Variants in AOX1 observed in about 807,000 individuals in gnomAD.
AOX1 encodes the protein aldehyde oxidase 1, also known as aldehyde oxidase.
Under a neutral mutation model 169.5 loss-of-function variants are expected in AOX1, and 153 were observed. That is an observed-to-expected ratio of 0.90 (90% CI 0.79 to 1.03). AOX1 has a LOEUF of 1.03. AOX1 is among the 50% of genes least tolerant of loss of function. The probability of loss-of-function intolerance (pLI) is 0.00; values close to 1 mark genes in which losing one functional copy is unlikely to be tolerated. For synonymous variants in AOX1, 562 were observed against 581.9 expected, an observed-to-expected ratio of 0.97 and a Z score of 0.49; for missense variants, 1,656 against 1,663.9, an observed-to-expected ratio of 1.00 and a Z score of 0.08.
Position 200,621,222 on chromosome 2 carries a change from T to C in AOX1, c.1977T>C (p.Ala659=). The C allele has an allele frequency of 6.2e-7, 1 of 1,614,002 alleles. No individual in the cohort carries two copies. Among genetic ancestry groups the C allele is most frequent in the Non-Finnish European group, 8.5e-7 (1 of 1,179,958 alleles). ...ACTCCTTCTGCTTTTTTACTGAAGC[T>C]GAGAAATTTCTGGCGACAGATAAGG... The part of the protein sequence containing the change: ...DVNSFCFFTE[A]EKFLATDKVF... Residue 659 remains alanine (A), a synonymous_variant, in exon 18 of 35, where the codon GCT becomes GCC. Coordinates refer to ENST00000374700, the MANE Select transcript of AOX1 (RefSeq NM_001159.4).
At chr2:200,657,190 A>ATATATATATATATATATATATATATATAT in intron 27 of AOX1, among the ~76,000 whole-genome samples, 2 of 62,882 alleles carry the variant, frequency 3.2e-5, no homozygotes, top group Non-Finnish European at 5.2e-5. Context: ...ATATATATAT[A>ATATATATATATATATATATATATATATAT]TTTTTTTTTT....
intron 25 of AOX1, among the ~76,000 whole-genome samples, chr2:200,649,746 C>T (rs1022401588): frequency 6.6e-6 from 1 of 152,106 alleles, no homozygotes; most frequent in African/African-American, 2.4e-5. Context: ...ATGGGGTGAG[C>T]TCTCTCTCAG....
At chr2:200,618,413 C>T (rs558302145) in intron 16 of AOX1, among the ~76,000 whole-genome samples, 2 of 152,278 alleles carry the variant, frequency 1.3e-5, no homozygotes, top group East Asian at 1.9e-4. Flanking sequence ...ATAAATGCAT[C>T]CTACACACAT....
At chr2:200,629,381 G>A (rs962869920) in intron 20 of AOX1, among the ~76,000 whole-genome samples, 2 of 152,186 alleles carry the variant, frequency 1.3e-5, no homozygotes, top group Non-Finnish European at 2.9e-5. Context: ...ATAACTGTGA[G>A]CAATGATTAT....
downstream of AOX1, among the ~76,000 whole-genome samples, chr2:200,677,604 A>G (rs1175271111): frequency 6.6e-6 from 1 of 152,238 alleles, no homozygotes; most frequent in Non-Finnish European, 1.5e-5. Flanking sequence ...AGCCAGGAAT[A>G]AACTTCACAG....
At chr2:200,681,925 G>C (rs1335640035), downstream of AOX1, among the ~76,000 whole-genome samples, 1 of 151,400 alleles carries the variant, frequency 6.6e-6, no homozygotes, top group Non-Finnish European at 1.5e-5. Flanking sequence ...GACCTTTTGG[G>C]GTTTTTTTTT....
At chr2:200,604,912 G>C in intron 9 of AOX1, 72 bp downstream of exon 9, 1 of 1,297,658 alleles carries the variant, frequency 7.7e-7, no homozygotes, top group South Asian at 1.2e-5. Flanking sequence ...GGGGTGGGCT[G>C]GGGAAACTTC....
At chr2:200,586,272 T>C in intron 1 of AOX1, 119 bp downstream of exon 1, 1 of 1,135,398 alleles carries the variant, frequency 8.8e-7, no homozygotes, top group Non-Finnish European at 1.2e-6. Context: ...AGGCACGGAC[T>C]GGCTTTCTCC....
intron 29 of AOX1, among the ~76,000 whole-genome samples, chr2:200,661,364 C>T (rs1237560737): frequency 6.6e-6 from 1 of 152,188 alleles, no homozygotes; most frequent in African/African-American, 2.4e-5. Flanking sequence ...TATCATACCA[C>T]AGCGGGCATT....
chr2:200,655,171 T>A (rs908030481), intron 26 of AOX1, among the ~76,000 whole-genome samples: 1 of 152,192 alleles, frequency 6.6e-6, no homozygotes, highest in African/African-American at 2.4e-5. Flanking sequence ...TTACCAAACA[T>A]TTACTGAGCA....
chr2:200,616,189 C>A, intron 16 of AOX1, 126 bp downstream of exon 16: 1 of 679,670 alleles, frequency 1.5e-6, no homozygotes, highest in South Asian at 1.9e-5. Flanking sequence ...GGTAAACTCA[C>A]AGCCTCTTTA....
At chr2:200,588,726 CTTTTT>C (rs71807461) in intron 1 of AOX1, among the ~76,000 whole-genome samples, 5 of 53,984 alleles carry the variant, frequency 9.3e-5, no homozygotes, top group African/African-American at 1.2e-4. Context: ...CTAGAATAAG[CTTTTT>C]TTTTTTTTTT....
At position 200,620,834 on chromosome 2, in the gene AOX1, T is replaced by C. The variant is rs1307030826; in HGVS notation, c.1874+15T>C. 3.8e-6 allele frequency: 6 copies of C among 1,588,500 alleles called. No homozygotes were observed. Among genetic ancestry groups the C allele is most frequent in the Admixed American group, 1.9e-5 (1 of 51,980 alleles). ...GCTAAGATTGTGTAAGTGGTAAAAT[T>C]CTTACTCAATGGGCATAAATGATTG... On this transcript the variant is annotated intron_variant, in intron 17 of 34. Coordinates refer to ENST00000374700, the MANE Select transcript of AOX1 (RefSeq NM_001159.4).
rs71807461 is a variant in AOX1, at chr2:200,588,726, C to CTTTTTTTTTTTTTTT, written c.45+2580_45+2594dup. On this transcript the variant is annotated intron_variant, in intron 1 of 34. Coordinates refer to ENST00000374700, the MANE Select transcript of AOX1 (RefSeq NM_001159.4). ...CTTACATGGAAAGAACTAGAATAAG[C>CTTTTTTTTTTTTTTT]TTTTTTTTTTTTTTTTTTTTTGAGA... Among the ~76,000 whole-genome samples, 124 of 53,986 alleles carry CTTTTTTTTTTTTTTT rather than the reference C, an allele frequency of 2.3e-3. 30 individuals carry two copies. The highest frequency in any genetic ancestry group is 3.7e-3 in the African/African-American group (60 of 16,264). The allele number at this position is 53,986 out of a possible 152,430, so 35.4% of individuals were successfully genotyped here. A position where few individuals can be genotyped will look rare whatever the true frequency, so the allele number is the denominator to read the frequency against.
intron 1 of AOX1, among the ~76,000 whole-genome samples, chr2:200,589,109 A>C (rs2034114284): frequency 6.6e-6 from 1 of 152,176 alleles, no homozygotes; most frequent in South Asian, 2.1e-4. Context: ...ACTTAGGAGA[A>C]AATAGGTGAC....
chr2:200,609,158 C>G, intron 11 of AOX1, 23 bp downstream of exon 11: 1 of 1,612,500 alleles, frequency 6.2e-7, no homozygotes, highest in Non-Finnish European at 8.5e-7. Flanking sequence ...TGACAGTAAA[C>G]TCTGGTATGC....
At chr2:200,640,244 G>T (rs1049281096) in intron 23 of AOX1, among the ~76,000 whole-genome samples, 1 of 152,078 alleles carries the variant, frequency 6.6e-6, no homozygotes, top group South Asian at 2.1e-4. Flanking sequence ...ACTGAGAGGG[G>T]CCTACAGTCC....
At chr2:200,623,716 C>T (rs1182435895) in intron 18 of AOX1, 145 bp from the exon 19 acceptor site, 1 of 1,268,734 alleles carries the variant, frequency 7.9e-7, no homozygotes, top group Non-Finnish European at 1.1e-6. Flanking sequence ...TGGTTATAGT[C>T]ATGGACAGAT....
chr2:200,621,092 A>C, intron 17 of AOX1, 28 bp from the exon 18 acceptor site: 2 of 1,597,732 alleles, frequency 1.3e-6, no homozygotes, highest in Non-Finnish European at 1.7e-6. Context: ...TGGCCACTCT[A>C]AGGAGCTCTG....
Sources: allele counts gnomAD v4.1 joint callset (sites outside exome capture counted in the v4.1 genomes callset), GRCh38; gene constraint gnomAD v4.1.1; transcripts MANE v1.5; gene names NCBI Gene and HGNC (gene_info 2026-07-23, HGNC 2026-07-21).